The following TANC2 variants were observed in gnomAD, a reference collection of about 807,000 sequenced individuals.
TANC2 encodes the protein tetratricopeptide repeat, ankyrin repeat and coiled-coil containing 2, also known as protein TANC2.
A neutral mutation model predicts 210.5 loss-of-function variants in TANC2; 26 were observed. That is an observed-to-expected ratio of 0.12 (90% CI 0.09 to 0.17). TANC2 has a LOEUF of 0.17. Among genes scored for constraint, TANC2 ranks in the 10% least tolerant of loss-of-function variants. TANC2 has a pLI of 1.00. For synonymous variants in TANC2, 931 were observed against 967.1 expected (o/e 0.96, Z 0.69); for missense variants, 2,129 against 2,608.9 (o/e 0.82, Z 4.01).
chr17:63,206,447 TACAA>T (rs2041714331), intron 7 of TANC2, among the ~76,000 whole-genome samples: 1 of 152,186 alleles, frequency 6.6e-6, no homozygotes. Flanking sequence ...GTGGAAATAA[TACAA>T]ATGAATATGG....
At chr17:63,333,739 G>A (rs2045935126) in intron 11 of TANC2, among the ~76,000 whole-genome samples, 2 of 152,060 alleles carry the variant, frequency 1.3e-5, no homozygotes, top group African/African-American at 4.8e-5. Flanking sequence ...AATTAATGCA[G>A]CAAACTTTAT....
rs575199699 is a variant in TANC2 at position 63,337,557 on chromosome 17, G to T, written c.1576-2544G>T. Among the ~76,000 whole-genome samples, 4 of 148,772 alleles carry T rather than the reference G, an allele frequency of 2.7e-5. No individual in the cohort carries two copies. In the East Asian group the frequency reaches 7.8e-4, roughly 29 times the overall value. On this transcript the variant is annotated intron_variant, in intron 11 of 27. Coordinates refer to ENST00000689528, the Ensembl canonical transcript of TANC2. ...TTTATAGTGCTACCCACAATCACTC[G>T]TATTATATTGGATAGTAATGGTGAA...
chr17:63,390,270 A>T (rs893398926), intron 17 of TANC2: 2 of 152,390 alleles, frequency 1.3e-5, no homozygotes, highest in African/African-American at 4.8e-5. Context: ...TAGTGGTTTC[A>T]TAGTGAAATA....
intron 14 of TANC2, among the ~76,000 whole-genome samples, chr17:63,368,286 AAGTG>A (rs1241481152): frequency 2.6e-5 from 4 of 152,222 alleles, no homozygotes; most frequent in African/African-American, 7.2e-5. Flanking sequence ...TATGGGGAGA[AAGTG>A]AGTCCTATTT....
At chr17:62,997,844 A>G (rs1223198795) in intron 1 of TANC2, among the ~76,000 whole-genome samples, 1 of 152,226 alleles carries the variant, frequency 6.6e-6, no homozygotes, top group East Asian at 1.9e-4. Flanking sequence ...TCCACCACAA[A>G]ACCAAAAATG....
chr17:63,307,194 G>A (rs2044943835), intron 9 of TANC2, among the ~76,000 whole-genome samples: 1 of 152,124 alleles, frequency 6.6e-6, no homozygotes, highest in Non-Finnish European at 1.5e-5. Context: ...ACCACTGGAG[G>A]GTTTTGCGTA....
chr17:63,130,856 C>T (rs1265149563), intron 4 of TANC2: 5 of 152,200 alleles, frequency 3.3e-5, no homozygotes, highest in Admixed American at 3.3e-4. Flanking sequence ...TACCTTACTG[C>T]ATCTTACCTT....
chr17:63,168,244 A>T (rs2040283734), intron 5 of TANC2, among the ~76,000 whole-genome samples: 2 of 152,138 alleles, frequency 1.3e-5, no homozygotes, highest in African/African-American at 4.8e-5. Context: ...TTCGGAGGAG[A>T]GGTAGAGGGG....
intron 15 of TANC2, among the ~76,000 whole-genome samples, chr17:63,387,152 A>AGTTTTTTT (rs2047809550): frequency 6.6e-6 from 1 of 152,180 alleles, no homozygotes; most frequent in South Asian, 2.1e-4. Flanking sequence ...ACCTGGCTGA[A>AGTTTTTTT]AATAAAATTT....
intron 14 of TANC2, among the ~76,000 whole-genome samples, chr17:63,370,400 G>A (rs1334004565): frequency 2.6e-5 from 4 of 151,768 alleles, no homozygotes; most frequent in African/African-American, 2.4e-5. Context: ...GGATGGTTTC[G>A]ATCTCCTGAC....
intron 2 of TANC2, among the ~76,000 whole-genome samples, chr17:63,047,851 A>G (rs1270385723): frequency 6.6e-6 from 1 of 152,234 alleles, no homozygotes. Flanking sequence ...TGAAGCCTTC[A>G]TAAGGAAATG....
At chr17:63,202,747 C>G (rs766837806) in intron 7 of TANC2, among the ~76,000 whole-genome samples, 3 of 152,074 alleles carry the variant, frequency 2.0e-5, no homozygotes, top group African/African-American at 4.8e-5. Context: ...GTACAAAGCT[C>G]CTCTCAGTTT....
intron 3 of TANC2, among the ~76,000 whole-genome samples, chr17:63,078,692 GT>G (rs1239310946): frequency 1.3e-5 from 2 of 152,124 alleles, no homozygotes; most frequent in African/African-American, 2.4e-5. Flanking sequence ...ACATTTGGAA[GT>G]TTTTCAGATA....
intron 4 of TANC2, among the ~76,000 whole-genome samples, chr17:63,119,948 A>G (rs904602030): frequency 6.6e-6 from 1 of 151,896 alleles, no homozygotes; most frequent in African/African-American, 2.4e-5. Flanking sequence ...TAAGCCTGGG[A>G]GGTTGAGGCT....
intron 3 of TANC2, among the ~76,000 whole-genome samples, chr17:63,091,395 A>T (rs374493158): frequency 6.6e-6 from 1 of 152,042 alleles, no homozygotes; most frequent in Non-Finnish European, 1.5e-5. Flanking sequence ...GTATAAGGTG[A>T]AAGGAAGGGA....
chr17:63,105,193 A>G (rs1433834834), intron 4 of TANC2, among the ~76,000 whole-genome samples: 1 of 151,702 alleles, frequency 6.6e-6, no homozygotes, highest in Non-Finnish European at 1.5e-5. Flanking sequence ...ATTATTATCT[A>G]ATCTCTGGGA....
intron 9 of TANC2, among the ~76,000 whole-genome samples, chr17:63,307,627 A>C (rs1367419296): frequency 1.3e-5 from 2 of 152,256 alleles, no homozygotes; most frequent in African/African-American, 4.8e-5. Flanking sequence ...TAGAACTGTC[A>C]CATAATCACA....
chr17:63,209,154 C>T (rs780300360), intron 7 of TANC2, among the ~76,000 whole-genome samples: 2 of 151,888 alleles, frequency 1.3e-5, no homozygotes, highest in African/African-American at 2.4e-5. Context: ...GGACTACAGG[C>T]GCATGCCACC....
intron 9 of TANC2, among the ~76,000 whole-genome samples, chr17:63,269,844 A>G (rs1277070685): frequency 6.6e-6 from 1 of 152,164 alleles, no homozygotes; most frequent in Non-Finnish European, 1.5e-5. Context: ...AAGCACATTC[A>G]AAGATTTTCC....
Sources: gnomAD v4.1 joint callset for allele counts (sites outside exome capture counted in the v4.1 genomes callset) on GRCh38, gnomAD v4.1.1 for gene constraint, MANE v1.5 for transcripts, NCBI Gene and HGNC (gene_info 2026-07-23, HGNC 2026-07-21) for gene names.